SNAP91: variants seen among roughly 807,000 people sequenced by gnomAD.
SNAP91 encodes the protein synaptosome associated protein 91, also known as clathrin coat assembly protein AP180.
In SNAP91, 27 loss-of-function variants were observed where a neutral mutation model predicts 100.3. The observed-to-expected ratio is 0.27, with a 90% CI of 0.20 to 0.37. The LOEUF (loss-of-function observed/expected upper bound fraction) is 0.37, where lower values mean the gene tolerates loss of function less well. Ranked by LOEUF, SNAP91 falls within the 10% of genes least tolerant of loss-of-function variation. The probability of loss-of-function intolerance (pLI) is 1.00; values close to 1 mark genes in which losing one functional copy is unlikely to be tolerated. For missense variants in SNAP91, 986 were observed against 1,123.7 expected (o/e 0.88, Z 1.75); for synonymous variants, 404 against 398.6 (o/e 1.01, Z -0.16).
At chr6:83,695,770 T>C (rs946291818) in intron 2 of SNAP91, among the ~76,000 whole-genome samples, 1 of 152,124 alleles carries the variant, frequency 6.6e-6, no homozygotes, top group Non-Finnish European at 1.5e-5. Flanking sequence ...AAATGATTAG[T>C]AAAATCTACA....
At chr6:83,685,232 C>T (rs1019852512) in intron 2 of SNAP91, among the ~76,000 whole-genome samples, 6 of 152,150 alleles carry the variant, frequency 3.9e-5, no homozygotes. Context: ...GGAAAACTCC[C>T]TCTGTGCCAC....
chr6:83,580,589 A>C lies in SNAP91; in HGVS notation c.2160T>G (p.Gly720=). The change falls in exon 24 of 30, where the codon GGT becomes GGG. Residue 720 remains glycine (G), a synonymous_variant. Transcript: ENST00000369694. ...TGGTTGGCATCAAAAGATCACCTAG[A>C]CCATCAAACACTGGAAATCAAATAG... is the stretch of plus-strand genomic sequence containing the variant. ...SSSFDPSVFD[G]LGDLLMPTMA... The C allele has an allele frequency of 6.2e-7, 1 of 1,603,340 alleles. No individual in the cohort carries two copies. Among genetic ancestry groups the C allele is most frequent in the Non-Finnish European group, 8.5e-7 (1 of 1,176,910 alleles).
chr6:83,618,872 G>T (rs946997791), intron 9 of SNAP91, among the ~76,000 whole-genome samples: 3 of 151,670 alleles, frequency 2.0e-5, no homozygotes, highest in African/African-American at 7.3e-5. Context: ...TGATTTTTTT[G>T]GCTAAACCTA....
chr6:83,636,403 T>G (rs535925349), intron 8 of SNAP91, among the ~76,000 whole-genome samples: 1 of 152,238 alleles, frequency 6.6e-6, no homozygotes, highest in Non-Finnish European at 1.5e-5. Flanking sequence ...CTGGGTTGAT[T>G]CAAAGGACTC....
At chr6:83,690,228 C>T in intron 2 of SNAP91, 1 of 1,049,514 alleles carries the variant, frequency 9.5e-7, no homozygotes, top group Non-Finnish European at 1.2e-6. Context: ...CTTACTAATA[C>T]TACTATGATG....
At chr6:83,706,589 T>C (rs1184499548) in intron 2 of SNAP91, among the ~76,000 whole-genome samples, 2 of 152,238 alleles carry the variant, frequency 1.3e-5, no homozygotes, top group African/African-American at 2.4e-5. Context: ...CAATGTCCAG[T>C]TGTAAGCTTC....
intron 14 of SNAP91, among the ~76,000 whole-genome samples, chr6:83,604,763 A>G (rs972217981): frequency 2.6e-5 from 4 of 152,208 alleles, no homozygotes; most frequent in African/African-American, 9.6e-5. Flanking sequence ...CCTATAGGTC[A>G]TTAACAGCTT....
Position 83,626,476 on chromosome 6 carries a change from C to A in SNAP91, c.766-3134G>T, listed in dbSNP as rs1290374469. On this transcript the variant is annotated intron_variant, in intron 8 of 29. Coordinates refer to ENST00000369694, the MANE Select transcript of SNAP91 (RefSeq NM_001242792.2). Reference sequence around the variant, plus strand: ...TAGAGCCATTTTAACAATATTTATTCTTCCAATCCATGAGCATGAAATGTT... The same window carrying A: ...TAGAGCCATTTTAACAATATTTATTATTCCAATCCATGAGCATGAAATGTT... Among the ~76,000 whole-genome samples, 3 of 152,090 alleles carry A rather than the reference C, an allele frequency of 2.0e-5. No individual in the cohort carries two copies. In the East Asian group the frequency reaches 5.8e-4, roughly 29 times the overall value.
intron 26 of SNAP91, among the ~76,000 whole-genome samples, chr6:83,573,177 A>G (rs1049479091): frequency 2.6e-5 from 4 of 152,212 alleles, no homozygotes; most frequent in African/African-American, 9.6e-5. Flanking sequence ...AGAGAGCCAA[A>G]TCATGAGTGA....
intron 26 of SNAP91, among the ~76,000 whole-genome samples, chr6:83,566,465 A>G (rs1263201877): frequency 2.0e-5 from 3 of 152,154 alleles, no homozygotes. Flanking sequence ...TAGGCTATTT[A>G]CCAGACCTGA....
At chr6:83,604,575 A>G (rs373561840) in intron 14 of SNAP91, among the ~76,000 whole-genome samples, 1 of 152,326 alleles carries the variant, frequency 6.6e-6, no homozygotes, top group African/African-American at 2.4e-5. Context: ...ACTGTTTAAC[A>G]AGACCACCAA....
At chr6:83,660,283 C>T (rs1174575781) in intron 5 of SNAP91, among the ~76,000 whole-genome samples, 4 of 152,076 alleles carry the variant, frequency 2.6e-5, no homozygotes, top group East Asian at 1.9e-4. Context: ...AATCATCTCT[C>T]GTGAGAAGAG....
At chr6:83,649,991 T>C (rs1343687197) in intron 7 of SNAP91, among the ~76,000 whole-genome samples, 2 of 152,186 alleles carry the variant, frequency 1.3e-5, no homozygotes, top group Admixed American at 6.5e-5. Flanking sequence ...CATGTGGATA[T>C]CCAGTTGTTC....
chr6:83,669,852 T>G (rs2098752077), intron 2 of SNAP91, among the ~76,000 whole-genome samples: 1 of 152,004 alleles, frequency 6.6e-6, no homozygotes, highest in Non-Finnish European at 1.5e-5. Flanking sequence ...TAGAGGTGTA[T>G]TCCATTAGAT....
rs1435616483 is a variant in SNAP91 at position 83,641,216 on chromosome 6, A to T, written c.659-14T>A. The stretch of plus-strand genomic sequence containing the variant: ...CAAAAAACTTTTCTAGAGAAGATAA[A>T]GAGATAAGCAATTTGAAAAGAGTAT... On this transcript the variant is annotated splice_polypyrimidine_tract_variant and intron_variant, in intron 7 of 29. Transcript: ENST00000369694. 8.5e-7 allele frequency: 1 copy of T among 1,173,334 alleles called. No homozygotes were observed. Among genetic ancestry groups the T allele is most frequent in the Admixed American group, 3.1e-5 (1 of 32,414 alleles). The allele number at this position is 1,173,334 out of a possible 1,614,324, so 72.7% of individuals were successfully genotyped here.
chr6:83,579,882 G>GT (rs1825588954), intron 24 of SNAP91, among the ~76,000 whole-genome samples: 1 of 152,022 alleles, frequency 6.6e-6, no homozygotes, highest in African/African-American at 2.4e-5. Flanking sequence ...TGTCTGTTCT[G>GT]TTTTTTCTCC....
intron 14 of SNAP91, among the ~76,000 whole-genome samples, chr6:83,603,884 G>T (rs2095447816): frequency 6.6e-6 from 1 of 152,172 alleles, no homozygotes; most frequent in East Asian, 1.9e-4. Context: ...ATCATCAATA[G>T]TTACATATTT....
At chr6:83,629,733 A>T (rs1394569133) in intron 8 of SNAP91, among the ~76,000 whole-genome samples, 1 of 152,050 alleles carries the variant, frequency 6.6e-6, no homozygotes, top group Admixed American at 6.6e-5. Flanking sequence ...GCACTCTTTT[A>T]TCAGGTCTAA....
chr6:83,691,311 T>C (rs912393815), intron 2 of SNAP91, among the ~76,000 whole-genome samples: 2 of 152,162 alleles, frequency 1.3e-5, no homozygotes, highest in South Asian at 4.1e-4. Context: ...CTAACAGTTC[T>C]TCAAAACATC....
Sources: gnomAD v4.1 joint callset for allele counts (sites outside exome capture counted in the v4.1 genomes callset) on GRCh38, gnomAD v4.1.1 for gene constraint, MANE v1.5 for transcripts, NCBI Gene and HGNC (gene_info 2026-07-23, HGNC 2026-07-21) for gene names.